The following AGBL1 variants were observed in gnomAD, a reference collection of about 807,000 sequenced individuals.
The protein encoded by AGBL1 is cytosolic carboxypeptidase 4.
A neutral mutation model predicts 118.9 loss-of-function variants in AGBL1; 130 were observed. The observed-to-expected ratio is 1.09, with a 90% confidence interval of 0.95 to 1.26. The LOEUF (loss-of-function observed/expected upper bound fraction) is 1.26, where lower values mean the gene tolerates loss of function less well. Ranked by LOEUF, AGBL1 falls within the 50% of genes most tolerant of loss-of-function variation. The pLI is 0.00. For missense variants in AGBL1, 1,584 were observed against 1,298.1 expected (o/e 1.22, Z -3.38); for synonymous variants, 555 against 478.9 (o/e 1.16, Z -2.08).
chr15:86,750,648 AT>A (rs2077835689), intron 22 of AGBL1, among the ~76,000 whole-genome samples: 1 of 151,840 alleles, frequency 6.6e-6, no homozygotes, highest in African/African-American at 2.4e-5. Flanking sequence ...TTATTTTTTA[AT>A]TTTTTTAAAC....
intron 3 of AGBL1, among the ~76,000 whole-genome samples, chr15:86,153,817 C>CTAT (rs1428933806): frequency 1.3e-5 from 2 of 152,002 alleles, no homozygotes; most frequent in African/African-American, 4.8e-5. Context: ...TTTTCTTCAC[C>CTAT]TATTTATTTT....
intron 18 of AGBL1, among the ~76,000 whole-genome samples, chr15:86,403,996 A>C (rs1776875706): frequency 6.6e-6 from 1 of 152,206 alleles, no homozygotes; most frequent in Non-Finnish European, 1.5e-5. Flanking sequence ...ACACACACAC[A>C]TCCATGCCCA....
intron 22 of AGBL1, among the ~76,000 whole-genome samples, chr15:86,750,772 T>C (rs1260233570): frequency 1.3e-5 from 2 of 152,082 alleles, no homozygotes; most frequent in Non-Finnish European, 2.9e-5. Context: ...TTATTTTTTC[T>C]CGTCCTTTGC....
intron 23 of AGBL1, among the ~76,000 whole-genome samples, chr15:86,965,436 T>C (rs2141693111): frequency 6.6e-6 from 1 of 152,288 alleles, no homozygotes; most frequent in East Asian, 1.9e-4. Flanking sequence ...TGTCTTCTTT[T>C]GAGAAGTTAT....
chr15:86,540,484 A>G (rs1413678143), intron 19 of AGBL1, among the ~76,000 whole-genome samples: 1 of 152,012 alleles, frequency 6.6e-6, no homozygotes, highest in Admixed American at 6.6e-5. Context: ...AGTCCTGGCT[A>G]CTCGGAAGGC....
chr15:86,276,991 T>A (rs2141708253), intron 15 of AGBL1, among the ~76,000 whole-genome samples: 1 of 152,298 alleles, frequency 6.6e-6, no homozygotes, highest in East Asian at 1.9e-4. Flanking sequence ...CAGAGTCATC[T>A]CCTGGACAAC....
intron 20 of AGBL1, among the ~76,000 whole-genome samples, chr15:86,546,755 G>C (rs567504354): frequency 6.6e-6 from 1 of 152,128 alleles, no homozygotes; most frequent in African/African-American, 2.4e-5. Flanking sequence ...TAGGAAATTA[G>C]GGAGGGGTAA....
intron 21 of AGBL1, among the ~76,000 whole-genome samples, chr15:86,588,314 T>C (rs1022154939): frequency 2.0e-5 from 3 of 152,174 alleles, no homozygotes; most frequent in African/African-American, 7.2e-5. Context: ...TCAAAGACCC[T>C]CTTACACAGT....
At chr15:86,732,637 T>G (rs2077541293) in intron 22 of AGBL1, among the ~76,000 whole-genome samples, 1 of 152,166 alleles carries the variant, frequency 6.6e-6, no homozygotes, top group Non-Finnish European at 1.5e-5. Context: ...TTTTCCTCAT[T>G]TTGAAGGCAA....
chr15:86,797,904 G>A (rs906722929), intron 22 of AGBL1, among the ~76,000 whole-genome samples: 8 of 152,128 alleles, frequency 5.3e-5, no homozygotes, highest in Non-Finnish European at 1.2e-4. Context: ...TTTGTCAAAT[G>A]GTATTCTGCT....
At chr15:86,278,519 G>T (rs1892809095) in intron 15 of AGBL1, among the ~76,000 whole-genome samples, 2 of 152,052 alleles carry the variant, frequency 1.3e-5, no homozygotes, top group South Asian at 4.1e-4. Context: ...CTTACTTTTT[G>T]CTTAGGTAGG....
intron 1 of AGBL1, among the ~76,000 whole-genome samples, chr15:86,132,364 G>A (rs2076831527): frequency 6.6e-6 from 1 of 152,178 alleles, no homozygotes; most frequent in Non-Finnish European, 1.5e-5. Context: ...GGGGATGAAG[G>A]TAGCAAGTGG....
intron 3 of AGBL1, among the ~76,000 whole-genome samples, chr15:86,152,073 C>T (rs764134845): frequency 1.4e-4 from 21 of 152,130 alleles, no homozygotes; most frequent in Non-Finnish European, 2.2e-4. Context: ...AAATCAATAT[C>T]GTGAAAATGG....
At chr15:86,575,232 T>C (rs1442986237) in intron 21 of AGBL1, among the ~76,000 whole-genome samples, 1 of 151,064 alleles carries the variant, frequency 6.6e-6, no homozygotes, top group Non-Finnish European at 1.5e-5. Flanking sequence ...GGTGTGGTGG[T>C]GCATGTCTGT....
chr15:86,573,459 G>T (rs968066792), intron 21 of AGBL1, among the ~76,000 whole-genome samples: 2 of 152,222 alleles, frequency 1.3e-5, no homozygotes, highest in Non-Finnish European at 2.9e-5. Flanking sequence ...GGAAATGTTG[G>T]TTGTGTATGT....
At chr15:86,627,908 C>G (rs2142427910) in intron 21 of AGBL1, among the ~76,000 whole-genome samples, 1 of 152,282 alleles carries the variant, frequency 6.6e-6, no homozygotes, top group East Asian at 1.9e-4. Context: ...GTATTTGTAG[C>G]CTCCAACACA....
intron 21 of AGBL1, among the ~76,000 whole-genome samples, chr15:86,649,555 G>C (rs898582523): frequency 3.9e-5 from 6 of 152,164 alleles, no homozygotes; most frequent in African/African-American, 1.4e-4. Context: ...TAGGTGGTAA[G>C]ACAGCAGAAG....
intron 10 of AGBL1, among the ~76,000 whole-genome samples, chr15:86,263,384 C>T (rs914695375): frequency 1.3e-5 from 2 of 152,160 alleles, no homozygotes; most frequent in South Asian, 2.1e-4. Flanking sequence ...TTGGTGTAAG[C>T]ACACCCTATG....
intron 22 of AGBL1, among the ~76,000 whole-genome samples, chr15:86,871,463 T>G (rs1474613007): frequency 6.6e-6 from 1 of 152,100 alleles, no homozygotes; most frequent in African/African-American, 2.4e-5. Context: ...ACACACAGAA[T>G]CCCCTTCCCT....
Sources: allele counts gnomAD v4.1 joint callset (sites outside exome capture counted in the v4.1 genomes callset), GRCh38; gene constraint gnomAD v4.1.1; transcripts MANE v1.5; gene names NCBI Gene and HGNC (gene_info 2026-07-23, HGNC 2026-07-21).